The following SLC22A24 variants were observed in gnomAD, a reference collection of about 807,000 sequenced individuals.
SLC22A24 encodes the protein steroid transmembrane transporter SLC22A24.
Under a neutral mutation model 49.8 loss-of-function variants are expected in SLC22A24, and 53 were observed. That is an observed-to-expected ratio of 1.06 (90% CI 0.85 to 1.34). The LOEUF (loss-of-function observed/expected upper bound fraction) is 1.34, where lower values mean the gene tolerates loss of function less well. SLC22A24 is among the 40% of genes most tolerant of loss of function. The pLI, the probability that SLC22A24 is intolerant of heterozygous loss-of-function variation, is 0.00. For synonymous variants in SLC22A24, 302 were observed against 256.4 expected (o/e 1.18, Z -1.70); for missense variants, 786 against 675.9 (o/e 1.16, Z -1.81).
chr11:63,091,253 G>A (rs1020136102), intron 6 of SLC22A24, among the ~76,000 whole-genome samples: 1 of 152,156 alleles, frequency 6.6e-6, no homozygotes, highest in Non-Finnish European at 1.5e-5. Flanking sequence ...TGAAATTGAG[G>A]CAGTGAGTAA....
chr11:63,130,712 T>G (rs1366747533), intron 2 of SLC22A24, among the ~76,000 whole-genome samples: 1 of 152,166 alleles, frequency 6.6e-6, no homozygotes, highest in Non-Finnish European at 1.5e-5. Flanking sequence ...GGAGGGTGTA[T>G]TTGTCCAGGA....
At chr11:63,141,804 A>G (rs2087417357) in intron 1 of SLC22A24, among the ~76,000 whole-genome samples, 1 of 152,238 alleles carries the variant, frequency 6.6e-6, no homozygotes, top group South Asian at 2.1e-4. Flanking sequence ...TTATGCAAAT[A>G]ATCAGGCCAA....
intron 8 of SLC22A24, among the ~76,000 whole-genome samples, 191 bp downstream of exon 8, chr11:63,081,367 A>C (rs965710429): frequency 6.6e-6 from 1 of 152,236 alleles, no homozygotes; most frequent in African/African-American, 2.4e-5. Flanking sequence ...AGCATTAATT[A>C]ACCTGTAGCA....
At chr11:63,088,509 C>T (rs1271198024) in intron 6 of SLC22A24, among the ~76,000 whole-genome samples, 2 of 151,974 alleles carry the variant, frequency 1.3e-5, no homozygotes, top group African/African-American at 4.8e-5. Flanking sequence ...ATTGCAAAAA[C>T]CAGAATGCCT....
chr11:63,096,877 C>T (rs2087057952), intron 5 of SLC22A24, among the ~76,000 whole-genome samples: 1 of 152,092 alleles, frequency 6.6e-6, no homozygotes, highest in Admixed American at 6.6e-5. Context: ...ATCTCAGGTG[C>T]TTAGTTTTCT....
intron 5 of SLC22A24, among the ~76,000 whole-genome samples, chr11:63,101,590 G>A (rs565763351): frequency 4.1e-4 from 63 of 152,092 alleles, no homozygotes; most frequent in Admixed American, 9.2e-4. Flanking sequence ...TTACTACTTG[G>A]TTTTTATCCA....
intron 1 of SLC22A24, among the ~76,000 whole-genome samples, chr11:63,139,857 A>G (rs987836940): frequency 1.3e-5 from 2 of 151,882 alleles, no homozygotes; most frequent in African/African-American, 4.8e-5. Context: ...CAATTAAGAA[A>G]CTGGCAAATG....
At chr11:63,090,996 C>A (rs2087017113) in intron 6 of SLC22A24, among the ~76,000 whole-genome samples, 1 of 152,042 alleles carries the variant, frequency 6.6e-6, no homozygotes, top group African/African-American at 2.4e-5. Flanking sequence ...AATCCAGGAG[C>A]TGATTTTTTG....
intron 1 of SLC22A24, among the ~76,000 whole-genome samples, chr11:63,140,078 T>G (rs1262760625): frequency 1.6e-5 from 2 of 121,906 alleles, no homozygotes; most frequent in African/African-American, 5.7e-5. Context: ...TTTTTTTGTT[T>G]TTTTTTTTTG....
chr11:63,138,390 C>A (rs2087390438), intron 1 of SLC22A24, among the ~76,000 whole-genome samples: 1 of 152,058 alleles, frequency 6.6e-6, no homozygotes, highest in Non-Finnish European at 1.5e-5. Flanking sequence ...CACCTGTAAT[C>A]CCAGCACTTT....
chr11:63,092,538 G>A (rs1395005681), intron 6 of SLC22A24, among the ~76,000 whole-genome samples: 1 of 109,734 alleles, frequency 9.1e-6, no homozygotes, highest in Admixed American at 1.0e-4. Flanking sequence ...GCATAACACC[G>A]CACATCTACA....
chr11:63,132,069 A>G (rs2087340148), intron 2 of SLC22A24, among the ~76,000 whole-genome samples: 1 of 152,012 alleles, frequency 6.6e-6, no homozygotes, highest in South Asian at 2.1e-4. Context: ...ACTTGATCCA[A>G]TAGGCTATTT....
intron 6 of SLC22A24, among the ~76,000 whole-genome samples, chr11:63,085,250 A>C (rs1428527009): frequency 6.6e-6 from 1 of 152,148 alleles, no homozygotes; most frequent in African/African-American, 2.4e-5. Flanking sequence ...GATAAATACC[A>C]ATGTAGCAAC....
intron 2 of SLC22A24, among the ~76,000 whole-genome samples, chr11:63,131,682 C>G (rs1233426359): frequency 2.0e-5 from 3 of 152,116 alleles, no homozygotes; most frequent in East Asian, 1.9e-4. Context: ...AGTGGGTAAC[C>G]CCACCTTCAT....
At chr11:63,113,373 T>A (rs973332795) in intron 4 of SLC22A24, among the ~76,000 whole-genome samples, 2 of 151,702 alleles carry the variant, frequency 1.3e-5, no homozygotes, top group Non-Finnish European at 2.9e-5. Context: ...AGTTAGCATG[T>A]TTTTGCAGTG....
intron 6 of SLC22A24, among the ~76,000 whole-genome samples, chr11:63,088,371 A>ACAACGT (rs141834296): frequency 1.3e-5 from 2 of 151,016 alleles, no homozygotes; most frequent in African/African-American, 4.9e-5. Flanking sequence ...ACAGAAAGCT[A>ACAACGT]CAACATCAAC....
rs552827942 is a variant in SLC22A24 at position 63,086,237 on chromosome 11, C to T, written c.1071-2780G>A. Among the ~76,000 whole-genome samples the T allele has an allele frequency of 2.6e-5, 4 of 152,272 alleles. No homozygotes were observed. In the South Asian group the frequency reaches 6.2e-4, roughly 24 times the overall value. ...TTCTACTATAAAGATGCATGTATGT[C>T]TGTGTTCATCACAGCTTATTCATAA... On this transcript the variant is annotated intron_variant, in intron 6 of 9. Coordinates refer to ENST00000612278, the MANE Select transcript of SLC22A24 (RefSeq NM_001136506.2).
At chr11:63,117,408 C>T (rs574499547) in intron 4 of SLC22A24, among the ~76,000 whole-genome samples, 1 of 152,300 alleles carries the variant, frequency 6.6e-6, no homozygotes, top group South Asian at 2.1e-4. Context: ...TTGAGAGGCT[C>T]TGAGTATGTG....
chr11:63,091,437 G>A (rs1320927624), intron 6 of SLC22A24, among the ~76,000 whole-genome samples: 3 of 152,074 alleles, frequency 2.0e-5, no homozygotes, highest in Non-Finnish European at 4.4e-5. Context: ...CCAAAAGCTG[G>A]CAGAGACACA....
Sources: allele counts gnomAD v4.1 joint callset (sites outside exome capture counted in the v4.1 genomes callset), GRCh38; gene constraint gnomAD v4.1.1; transcripts MANE v1.5; gene names NCBI Gene and HGNC (gene_info 2026-07-23, HGNC 2026-07-21).